Variants in SGCZ observed in about 807,000 individuals in gnomAD.
SGCZ encodes zeta-sarcoglycan.
A neutral mutation model predicts 41.3 loss-of-function variants in SGCZ; 40 were observed. That is an observed-to-expected ratio of 0.97 (90% CI 0.75 to 1.26). The LOEUF is 1.26. Among genes scored for constraint, SGCZ ranks in the 50% most tolerant of loss-of-function variants. SGCZ has a pLI of 0.00. For synonymous variants in SGCZ, 206 were observed against 137.5 expected, an observed-to-expected ratio of 1.50 and a Z score of -3.49; for missense variants, 552 against 369.8, an observed-to-expected ratio of 1.49 and a Z score of -4.04.
chr8:15,048,849 C>A (rs910530910), intron 1 of SGCZ, among the ~76,000 whole-genome samples: 3 of 152,058 alleles, frequency 2.0e-5, no homozygotes, highest in Non-Finnish European at 4.4e-5. Flanking sequence ...GAAACTCCCA[C>A]TGAATGGACA....
intron 2 of SGCZ, among the ~76,000 whole-genome samples, chr8:14,393,318 C>A (rs1214861828): frequency 6.6e-6 from 1 of 151,650 alleles, no homozygotes; most frequent in Non-Finnish European, 1.5e-5. Flanking sequence ...CATAGACAAG[C>A]AGGCTGGGAG....
rs567320887 is a variant in SGCZ, at chr8:14,639,108, G to A, written c.40-84182C>T. Among the ~76,000 whole-genome samples the A allele has an allele frequency of 4.0e-5, 6 of 148,208 alleles. No individual in the cohort carries two copies. The South Asian group carries it at 8.6e-4, about 21-fold the overall frequency. ...GTCACCCAGGCTGGAGTGCAGTGGTGCACTCTTGGCTCACTGTAACCTTGC... is the reference window on the plus strand; with the variant it reads ...GTCACCCAGGCTGGAGTGCAGTGGTACACTCTTGGCTCACTGTAACCTTGC... On this transcript the variant is annotated intron_variant, in intron 1 of 7. Coordinates refer to ENST00000382080, the MANE Select transcript of SGCZ (RefSeq NM_139167.4).
At chr8:14,450,589 G>A (rs1194281771) in intron 2 of SGCZ, among the ~76,000 whole-genome samples, 1 of 152,126 alleles carries the variant, frequency 6.6e-6, no homozygotes, top group Non-Finnish European at 1.5e-5. Context: ...AACCTCCAGT[G>A]ATCACTGCTA....
intron 1 of SGCZ, among the ~76,000 whole-genome samples, chr8:15,022,423 A>G (rs1803287368): frequency 6.6e-6 from 1 of 152,024 alleles, no homozygotes; most frequent in African/African-American, 2.4e-5. Context: ...GGCTCACTGG[A>G]ACCTCCGCCT....
chr8:14,578,422 C>T (rs1804783937), intron 1 of SGCZ, among the ~76,000 whole-genome samples: 1 of 152,118 alleles, frequency 6.6e-6, no homozygotes, highest in Admixed American at 6.5e-5. Flanking sequence ...CTACATGCTC[C>T]CTGGGTTTGG....
At chr8:14,335,436 G>T (rs902411445) in intron 2 of SGCZ, among the ~76,000 whole-genome samples, 2 of 151,894 alleles carry the variant, frequency 1.3e-5, no homozygotes, top group African/African-American at 4.8e-5. Flanking sequence ...CTTGAATCTG[G>T]TTAATTTCAT....
intron 1 of SGCZ, among the ~76,000 whole-genome samples, chr8:14,704,693 T>G (rs926880701): frequency 1.3e-5 from 2 of 151,956 alleles, no homozygotes; most frequent in African/African-American, 4.8e-5. Context: ...TGCATATACT[T>G]GTATAAAATG....
intron 1 of SGCZ, among the ~76,000 whole-genome samples, chr8:14,791,237 A>G (rs989984397): frequency 3.3e-5 from 5 of 152,030 alleles, no homozygotes; most frequent in Admixed American, 6.6e-5. Context: ...TAAATTGTAC[A>G]TTACTTCTTT....
intron 1 of SGCZ, among the ~76,000 whole-genome samples, chr8:15,037,204 G>T (rs945236037): frequency 2.4e-4 from 37 of 152,124 alleles, no homozygotes; most frequent in Non-Finnish European, 2.9e-4. Context: ...GACCCAGTAG[G>T]AGATAACTGA....
chr8:15,237,900 C>A lies in SGCZ; in HGVS notation c.-277G>T. The A allele has an allele frequency of 6.4e-4, 177 of 277,504 alleles. No individual in the cohort carries two copies. Among genetic ancestry groups the A allele is most frequent in the East Asian group, 1.5e-3 (27 of 17,716 alleles). 17.2% of individuals were successfully genotyped at this position (277,504 alleles called of 1,614,324 possible). ...CAGCTGAGTCGATTGAAACAGGGGC[C>A]AAAAGAAAAAAGGAAAAAAAAATCC... On this transcript the variant is annotated 5_prime_UTR_variant, in exon 1 of 8. Coordinates refer to ENST00000382080, the MANE Select transcript of SGCZ (RefSeq NM_139167.4).
chr8:14,446,324 A>G (rs1800431421), intron 2 of SGCZ, among the ~76,000 whole-genome samples: 1 of 152,176 alleles, frequency 6.6e-6, no homozygotes, highest in Admixed American at 6.5e-5. Flanking sequence ...AATCTTCTCT[A>G]GTGTCAGTGA....
At chr8:14,729,988 G>A (rs1390757604) in intron 1 of SGCZ, among the ~76,000 whole-genome samples, 1 of 152,144 alleles carries the variant, frequency 6.6e-6, no homozygotes, top group African/African-American at 2.4e-5. Flanking sequence ...GGTAGGCTAC[G>A]GCAGGAGAAT....
chr8:14,432,102 C>T (rs1799958854), intron 2 of SGCZ, among the ~76,000 whole-genome samples: 1 of 152,144 alleles, frequency 6.6e-6, no homozygotes, highest in African/African-American at 2.4e-5. Flanking sequence ...CTAATATAAC[C>T]ACTACGGAAA....
At chr8:15,030,221 G>A (rs1803610034) in intron 1 of SGCZ, among the ~76,000 whole-genome samples, 1 of 152,090 alleles carries the variant, frequency 6.6e-6, no homozygotes, top group Admixed American at 6.5e-5. Flanking sequence ...TCTAAAATGG[G>A]TTGTGAAGGA....
At chr8:15,101,150 A>G (rs1279310410) in intron 1 of SGCZ, among the ~76,000 whole-genome samples, 5 of 152,192 alleles carry the variant, frequency 3.3e-5, no homozygotes, top group Non-Finnish European at 2.9e-5. Flanking sequence ...GAGACATCTA[A>G]AAAATAATAC....
chr8:14,416,592 G>A (rs772232237), intron 2 of SGCZ, among the ~76,000 whole-genome samples: 3 of 151,756 alleles, frequency 2.0e-5, no homozygotes, highest in Non-Finnish European at 4.4e-5. Flanking sequence ...GTTTTACAAT[G>A]TTACTCAGGG....
At chr8:14,262,912 C>T (rs919074162) in intron 3 of SGCZ, among the ~76,000 whole-genome samples, 2 of 151,488 alleles carry the variant, frequency 1.3e-5, no homozygotes, top group Non-Finnish European at 2.9e-5. Flanking sequence ...CACTACATCA[C>T]AACTAAGAAA....
chr8:15,194,665 G>C (rs993231360), intron 1 of SGCZ, among the ~76,000 whole-genome samples: 6 of 152,098 alleles, frequency 3.9e-5, no homozygotes, highest in African/African-American at 4.8e-5. Flanking sequence ...GAAAGGGAGA[G>C]AGATCTGAAG....
intron 2 of SGCZ, among the ~76,000 whole-genome samples, chr8:14,478,487 A>G (rs954572043): frequency 6.6e-6 from 1 of 152,170 alleles, no homozygotes; most frequent in Non-Finnish European, 1.5e-5. Flanking sequence ...AGGCCAAACT[A>G]TGGCAGCAGT....
Sources: allele counts gnomAD v4.1 joint callset (sites outside exome capture counted in the v4.1 genomes callset), GRCh38; gene constraint gnomAD v4.1.1; transcripts MANE v1.5; gene names NCBI Gene and HGNC (gene_info 2026-07-23, HGNC 2026-07-21).